Variants in FARS2 observed in about 807,000 individuals in gnomAD.
The protein encoded by FARS2 is phenylalanyl-tRNA synthetase 2, mitochondrial, also known as phenylalanine--tRNA ligase, mitochondrial.
Under a neutral mutation model 46.4 loss-of-function variants are expected in FARS2, and 40 were observed. The observed-to-expected ratio is 0.86, with a 90% confidence interval of 0.67 to 1.12. The LOEUF (loss-of-function observed/expected upper bound fraction) is 1.12, where lower values mean the gene tolerates loss of function less well. Ranked by LOEUF, FARS2 falls within the 50% of genes most tolerant of loss-of-function variation. FARS2 has a pLI of 0.00. For synonymous variants in FARS2, 234 were observed against 214.9 expected (o/e 1.09, Z -0.78); for missense variants, 513 against 567.9 (o/e 0.90, Z 0.98).
intron 1 of FARS2, among the ~76,000 whole-genome samples, chr6:5,317,157 A>T (rs1356405184): frequency 6.6e-6 from 1 of 152,240 alleles, no homozygotes; most frequent in Non-Finnish European, 1.5e-5. Flanking sequence ...CGGCATCTAC[A>T]GTTACAGCAA....
the FARS2 span, among the ~76,000 whole-genome samples, chr6:5,251,525 A>G: frequency 2.0e-5 from 3 of 152,184 alleles, no homozygotes; most frequent in African/African-American, 4.8e-5. Flanking sequence ...GAGCAGGAGC[A>G]AGCAAGCGAG....
intron 6 of FARS2, among the ~76,000 whole-genome samples, chr6:5,626,345 G>A (rs114533326): frequency 9.9e-5 from 15 of 152,170 alleles, no homozygotes; most frequent in Non-Finnish European, 1.8e-4. Flanking sequence ...CCAGTATCCC[G>A]CAGAGCCCCC....
chr6:5,485,422 T>A (rs1190529657), intron 4 of FARS2, among the ~76,000 whole-genome samples: 1 of 151,378 alleles, frequency 6.6e-6, no homozygotes, highest in Non-Finnish European at 1.5e-5. Context: ...AATACTCTAA[T>A]GGGAAATAGG....
At chr6:5,730,433 A>G (rs147841024) in intron 6 of FARS2, among the ~76,000 whole-genome samples, 24 of 152,310 alleles carry the variant, frequency 1.6e-4, no homozygotes, top group African/African-American at 5.5e-4. Flanking sequence ...GTAAAGACAG[A>G]GGAAAATGTT....
At chr6:5,604,580 G>A (rs996582617) in intron 5 of FARS2, among the ~76,000 whole-genome samples, 1 of 151,992 alleles carries the variant, frequency 6.6e-6, no homozygotes, top group African/African-American at 2.4e-5. Context: ...TGCAGGCAGG[G>A]GTTTCTCTTC....
chr6:5,655,717 TG>T (rs1370264127), intron 6 of FARS2, among the ~76,000 whole-genome samples: 1 of 152,238 alleles, frequency 6.6e-6, no homozygotes, highest in East Asian at 1.9e-4. Context: ...AACTTAGGCA[TG>T]GTTGCACAGT....
chr6:5,303,001 T>C lies in FARS2; in HGVS notation c.-22+41341T>C, dbSNP rs74623110. Among the ~76,000 whole-genome samples, 1,147 of 152,154 alleles carry C rather than the reference T, an allele frequency of 7.5e-3. 11 individuals carry two copies. Among genetic ancestry groups the C allele is most frequent in the African/African-American group, 0.026 (1,067 of 41,500 alleles). On this transcript the variant is annotated intron_variant, in intron 1 of 6. Transcript: ENST00000274680. ...CATTCATAAGTGTCAGATACTGGGGTTTACATTTGTTGTTTCATTTGACCC... is the reference window on the plus strand; with the variant it reads ...CATTCATAAGTGTCAGATACTGGGGCTTACATTTGTTGTTTCATTTGACCC...
intron 6 of FARS2, among the ~76,000 whole-genome samples, chr6:5,644,503 G>A (rs7741352): frequency 0.36 from 55,044 of 152,022 alleles, 10,881 homozygotes; most frequent in African/African-American, 0.53. Context: ...GTCAGCCACC[G>A]TGCCTGGCCT....
chr6:5,739,923 C>G (rs943594360), intron 6 of FARS2, among the ~76,000 whole-genome samples: 1 of 152,208 alleles, frequency 6.6e-6, no homozygotes, highest in Non-Finnish European at 1.5e-5. Flanking sequence ...GATTTAATCC[C>G]ATCAGCAACT....
chr6:5,402,111 C>A (rs1314428565), intron 2 of FARS2, among the ~76,000 whole-genome samples: 2 of 151,802 alleles, frequency 1.3e-5, no homozygotes, highest in Admixed American at 1.3e-4. Context: ...TACCATCCTC[C>A]TTCTGGTTGT....
chr6:5,580,139 A>G (rs1387471930), intron 5 of FARS2, among the ~76,000 whole-genome samples: 1 of 151,702 alleles, frequency 6.6e-6, no homozygotes, highest in African/African-American at 2.4e-5. Context: ...AAAATACAAA[A>G]ATTAGCCGGG....
intron 6 of FARS2, among the ~76,000 whole-genome samples, chr6:5,758,543 G>C (rs1228440382): frequency 6.6e-6 from 1 of 152,170 alleles, no homozygotes; most frequent in African/African-American, 2.4e-5. Flanking sequence ...CTTACAAAGA[G>C]GAGCTCTAAG....
chr6:5,611,022 T>C (rs1775151657), intron 5 of FARS2, among the ~76,000 whole-genome samples: 1 of 152,194 alleles, frequency 6.6e-6, no homozygotes, highest in Non-Finnish European at 1.5e-5. Context: ...GGCTCTAGAA[T>C]ACCTGCAATG....
chr6:5,535,790 G>T (rs1475162466), intron 4 of FARS2, among the ~76,000 whole-genome samples: 1 of 152,120 alleles, frequency 6.6e-6, no homozygotes, highest in Non-Finnish European at 1.5e-5. Context: ...ATATGGTTAT[G>T]TGGGTTTTAT....
At chr6:5,431,790 A>C (rs1763184693) in intron 4 of FARS2, 2 of 459,040 alleles carry the variant, frequency 4.4e-6, no homozygotes, top group Admixed American at 4.8e-5. Context: ...GCTTAATAAA[A>C]ATGATGGCTT....
chr6:5,567,001 T>C (rs1772359558), intron 5 of FARS2, among the ~76,000 whole-genome samples: 1 of 152,266 alleles, frequency 6.6e-6, no homozygotes. Context: ...CCCAAAGCTG[T>C]CCTTGCCCAT....
At position 5,268,691 on chromosome 6, in the gene FARS2, T is replaced by C. The variant is rs192085323; in HGVS notation, c.-22+7031T>C. ...AGGATTGACTTGGCAATGCGGGCTC[T>C]TTTTTGGGTCATATGAACTTTAAAG... On this transcript the variant is annotated intron_variant, in intron 1 of 6. Coordinates refer to ENST00000274680, the MANE Select transcript of FARS2 (RefSeq NM_006567.5). Among the ~76,000 whole-genome samples the C allele has an allele frequency of 3.7e-3, 557 of 152,324 alleles. 3 individuals carry two copies. Among genetic ancestry groups the C allele is most frequent in the Non-Finnish European group, 6.3e-3 (430 of 68,024 alleles).
At chr6:5,491,667 G>A (rs1256461427) in intron 4 of FARS2, among the ~76,000 whole-genome samples, 3 of 152,060 alleles carry the variant, frequency 2.0e-5, no homozygotes, top group Admixed American at 6.5e-5. Context: ...TAGCACATTC[G>A]TCATTTTCTT....
intron 4 of FARS2, among the ~76,000 whole-genome samples, chr6:5,461,648 A>G (rs148916934): frequency 7.3e-4 from 111 of 152,098 alleles, no homozygotes; most frequent in African/African-American, 2.6e-3. Context: ...CTTTCTATAG[A>G]TTTGTCTTTT....
Sources: allele counts gnomAD v4.1 joint callset (sites outside exome capture counted in the v4.1 genomes callset), GRCh38; gene constraint gnomAD v4.1.1; transcripts MANE v1.5; gene names NCBI Gene and HGNC (gene_info 2026-07-23, HGNC 2026-07-21).